DEPDC5: variants seen among roughly 807,000 people sequenced by gnomAD.
The protein encoded by DEPDC5 is GATOR1 complex protein DEPDC5.
Under a neutral mutation model 217.3 loss-of-function variants are expected in DEPDC5, and 73 were observed. The observed-to-expected ratio is 0.34, with a 90% CI of 0.28 to 0.41. DEPDC5 has a LOEUF of 0.41. DEPDC5 is among the 10% of genes least tolerant of loss of function. DEPDC5 has a pLI of 1.00. For synonymous variants in DEPDC5, 733 were observed against 756.7 expected (o/e 0.97, Z 0.51); for missense variants, 1,675 against 2,070.1 (o/e 0.81, Z 3.70).
chr22:31,862,555 G>T (rs1163014165), intron 33 of DEPDC5, among the ~76,000 whole-genome samples: 6 of 152,292 alleles, frequency 3.9e-5, no homozygotes, highest in Middle Eastern at 3.4e-3. Flanking sequence ...CAGAGCCAGA[G>T]TCCATCTCAA....
At chr22:31,771,937 C>G (rs1292156217) in intron 7 of DEPDC5, among the ~76,000 whole-genome samples, 2 of 151,694 alleles carry the variant, frequency 1.3e-5, no homozygotes, top group Non-Finnish European at 2.9e-5. Flanking sequence ...GTCATGGTGG[C>G]GCTTGTAGTC....
intron 4 of DEPDC5, 41 bp downstream of exon 4, chr22:31,760,743 G>T: frequency 6.7e-7 from 1 of 1,503,560 alleles, no homozygotes; most frequent in Admixed American, 1.9e-5. Flanking sequence ...TTTATTTACT[G>T]CCTCAGAAAC....
intron 5 of DEPDC5, among the ~76,000 whole-genome samples, chr22:31,765,391 G>A (rs185359320): frequency 6.6e-6 from 1 of 152,212 alleles, no homozygotes; most frequent in Non-Finnish European, 1.5e-5. Flanking sequence ...CCAGGTTCAA[G>A]CCATTCTCCT....
At chr22:31,839,497 C>G (rs1302071319) in intron 27 of DEPDC5, among the ~76,000 whole-genome samples, 1 of 141,576 alleles carries the variant, frequency 7.1e-6, no homozygotes, top group East Asian at 2.0e-4. Flanking sequence ...AGTCTCCTGT[C>G]TCTTCATTAT....
intron 12 of DEPDC5, among the ~76,000 whole-genome samples, chr22:31,794,062 T>C (rs569207046): frequency 1.1e-4 from 16 of 152,322 alleles, no homozygotes; most frequent in African/African-American, 3.8e-4. Context: ...TTCAGTAACT[T>C]ATCCAAAGTC....
In DEPDC5 at chr22:31,833,731, C is replaced by T. The variant is rs138236347; in HGVS notation, c.2105-184C>T. ...TCAGAGTAAAGTTCTGGCTCATTCC[C>T]AATTTTAGATTGATCATTTTTCTTT... On this transcript the variant is annotated intron_variant, in intron 24 of 42. Transcript: ENST00000651528. 1.0e-3 allele frequency: 471 copies of T among 468,204 alleles called. 3 individuals are homozygous for T. Among genetic ancestry groups the T allele is most frequent in the African/African-American group, 8.3e-3 (432 of 52,080 alleles). The allele number at this position is 468,204 out of a possible 1,614,324, so 29.0% of individuals were successfully genotyped here.
At chr22:31,759,705 CAG>C (rs1433142493) in intron 3 of DEPDC5, among the ~76,000 whole-genome samples, 9 of 88,338 alleles carry the variant, frequency 1.0e-4, no homozygotes, top group Admixed American at 8.8e-4. Flanking sequence ...TTTTAAGAGA[CAG>C]AGTCTCGCTC....
At chr22:31,765,915 C>G (rs945523208) in intron 5 of DEPDC5, among the ~76,000 whole-genome samples, 2 of 152,168 alleles carry the variant, frequency 1.3e-5, no homozygotes, top group East Asian at 1.9e-4. Context: ...CCCATCTACT[C>G]GGGAGGCTGA....
chr22:31,821,942 A>T (rs185420578), intron 23 of DEPDC5, among the ~76,000 whole-genome samples: 1 of 152,214 alleles, frequency 6.6e-6, no homozygotes, highest in Non-Finnish European at 1.5e-5. Flanking sequence ...AATCCAAGAG[A>T]GGAAATTCTT....
rs542368688 is a variant in DEPDC5 at position 31,762,833 on chromosome 22, C to T, written c.193+2131C>T. On this transcript the variant is annotated intron_variant, in intron 4 of 42. Transcript: ENST00000651528. Reference sequence around the variant, plus strand: ...TCTTTCTTTTTTTTTAAAGAGATGGCGTCTCACTCTGTTGCCCAGGCTGGA... The same window carrying T: ...TCTTTCTTTTTTTTTAAAGAGATGGTGTCTCACTCTGTTGCCCAGGCTGGA... 1.5e-4 allele frequency among the ~76,000 whole-genome samples: 23 copies of T among 151,904 alleles called. 1 individual carries two copies. In the South Asian group the frequency reaches 4.6e-3, roughly 30 times the overall value.
At chr22:31,862,995 G>A (rs2092568130) in intron 33 of DEPDC5, among the ~76,000 whole-genome samples, 1 of 152,082 alleles carries the variant, frequency 6.6e-6, no homozygotes, top group South Asian at 2.1e-4. Flanking sequence ...GGGAGTATAG[G>A]TATGAACCAC....
chr22:31,874,310 T>G lies in DEPDC5; in HGVS notation c.3601T>G (p.Ser1201Ala). 2 of 1,608,956 alleles carry G rather than the reference T, an allele frequency of 1.2e-6. No individual in the cohort carries two copies. The highest frequency in any genetic ancestry group is 1.7e-6 in the Non-Finnish European group (2 of 1,177,650). The change falls in exon 36 of 43, where the codon TCA becomes GCA. Residue 1201 changes from serine to alanine, a missense_variant. By Grantham distance (99) the Ser-to-Ala change is moderately conservative. This residue lies in a region of DEPDC5 where 194 missense variants were observed against 199.3 expected (regional missense o/e 0.97). Transcript: ENST00000651528. ...VQLLSEQKGL[S>A]PYCFISAEVV... ...GCTGCTCTCTGAACAGAAGGGCCTC[T>G]CACCGTACTGCTTCATCAGCGCGGA...
chr22:31,790,697 T>G (rs1014053385), intron 10 of DEPDC5, among the ~76,000 whole-genome samples: 1 of 152,010 alleles, frequency 6.6e-6, no homozygotes, highest in Non-Finnish European at 1.5e-5. Flanking sequence ...GTGGATCACT[T>G]GAGCCCAGCC....
intron 38 of DEPDC5, among the ~76,000 whole-genome samples, chr22:31,884,783 G>T: frequency 6.6e-6 from 1 of 152,086 alleles, no homozygotes; most frequent in East Asian, 1.9e-4. Context: ...TCACTTAGAG[G>T]ACTGGATGTA....
At chr22:31,859,386 C>A (rs1482373009) in intron 32 of DEPDC5, among the ~76,000 whole-genome samples, 2 of 144,160 alleles carry the variant, frequency 1.4e-5, no homozygotes, top group Non-Finnish European at 3.0e-5. Flanking sequence ...CCACTGCGCC[C>A]GGCTTTTTTT....
chr22:31,799,994 G>A (rs1321934307), intron 14 of DEPDC5, among the ~76,000 whole-genome samples: 1 of 150,846 alleles, frequency 6.6e-6, no homozygotes, highest in Non-Finnish European at 1.5e-5. Context: ...GTAGAGACAG[G>A]GTTGTACCAT....
At chr22:31,827,062 T>C (rs892356749) in intron 24 of DEPDC5, among the ~76,000 whole-genome samples, 1 of 152,092 alleles carries the variant, frequency 6.6e-6, no homozygotes, top group Non-Finnish European at 1.5e-5. Context: ...CCTGGCTTAA[T>C]TATATACGTA....
intron 40 of DEPDC5, among the ~76,000 whole-genome samples, chr22:31,898,358 G>A (rs2093590312): frequency 6.6e-6 from 1 of 152,164 alleles, no homozygotes; most frequent in Non-Finnish European, 1.5e-5. Flanking sequence ...ACTTGACACA[G>A]CATATAGCTT....
chr22:31,789,699 T>G (rs900046601), intron 10 of DEPDC5, among the ~76,000 whole-genome samples: 1 of 152,200 alleles, frequency 6.6e-6, no homozygotes, highest in Admixed American at 6.5e-5. Context: ...GAAGTCACAT[T>G]ATGTAGTGTA....
Sources: allele counts gnomAD v4.1 joint callset (sites outside exome capture counted in the v4.1 genomes callset), GRCh38; gene constraint gnomAD v4.1.1; regional missense constraint gnomAD v4.1.1; transcripts MANE v1.5; gene names NCBI Gene and HGNC (gene_info 2026-07-23, HGNC 2026-07-21).